FNDC1: variants seen among roughly 807,000 people sequenced by gnomAD.
The protein encoded by FNDC1 is fibronectin type III domain containing 1.
A neutral mutation model predicts 168.0 loss-of-function variants in FNDC1; 96 were observed. That is an observed-to-expected ratio of 0.57 (90% CI 0.48 to 0.68). FNDC1 has a LOEUF of 0.68. Among genes scored for constraint, FNDC1 ranks in the 30% least tolerant of loss-of-function variants. The pLI, the probability that FNDC1 is intolerant of heterozygous loss-of-function variation, is 0.00. For synonymous variants in FNDC1, 1,099 were observed against 1,025.9 expected (o/e 1.07, Z -1.36); for missense variants, 2,587 against 2,482.1 (o/e 1.04, Z -0.90).
intron 1 of FNDC1, among the ~76,000 whole-genome samples, chr6:159,183,036 G>A (rs1781915780): frequency 6.6e-6 from 1 of 152,238 alleles, no homozygotes; most frequent in South Asian, 2.1e-4. Context: ...GTACCAGGTT[G>A]TGATTGGGGA....
intron 1 of FNDC1, among the ~76,000 whole-genome samples, chr6:159,196,448 A>G (rs534227331): frequency 1.3e-5 from 2 of 152,192 alleles, no homozygotes; most frequent in Non-Finnish European, 2.9e-5. Context: ...TTTTCATCCA[A>G]TATTAAAATC....
intron 4 of FNDC1, among the ~76,000 whole-genome samples, chr6:159,213,861 G>C (rs1330513969): frequency 6.6e-6 from 1 of 152,222 alleles, no homozygotes; most frequent in African/African-American, 2.4e-5. Flanking sequence ...CTTTTGGTTA[G>C]ATTCAGGACG....
At chr6:159,225,264 C>G (rs955387057) in intron 7 of FNDC1, among the ~76,000 whole-genome samples, 1 of 152,034 alleles carries the variant, frequency 6.6e-6, no homozygotes, top group Non-Finnish European at 1.5e-5. Context: ...TCTCCCTTCT[C>G]TCTCTTCCCT....
intron 12 of FNDC1, among the ~76,000 whole-genome samples, chr6:159,237,979 A>G (rs2114998734): frequency 6.6e-6 from 1 of 152,364 alleles, no homozygotes; most frequent in African/African-American, 2.4e-5. Context: ...TTCCAGCATT[A>G]GACACAATGT....
Position 159,251,315 on chromosome 6 carries a change from G to A in FNDC1, c.4848G>A (p.Thr1616=), listed in dbSNP as rs45576631. ...GTTCTTTTCCAGCTCCTTACGTGAC[G>A]TACCTAAATAAAGACCCATCAGCCC... ...GRKRFVAPYV[T]YLNKDPSAPC... The change falls in exon 17 of 23, where the codon ACG becomes ACA. Residue 1616 remains threonine, a synonymous_variant. Coordinates refer to ENST00000297267, the MANE Select transcript of FNDC1 (RefSeq NM_032532.3). 3.0e-3 allele frequency: 4,880 copies of A among 1,613,498 alleles called. 15 individuals are homozygous for A. Among genetic ancestry groups the A allele is most frequent in the Non-Finnish European group, 3.5e-3 (4,150 of 1,179,594 alleles).
chr6:159,238,538 T>A lies in FNDC1; in HGVS notation c.4069-16T>A. ...AAAATGTCCAATATATTCTTTAATCTATGTCATGGATTTAGGTTGTGGACC... is the reference window on the plus strand; with the variant it reads ...AAAATGTCCAATATATTCTTTAATCAATGTCATGGATTTAGGTTGTGGACC... On this transcript the variant is annotated splice_polypyrimidine_tract_variant and intron_variant, in intron 12 of 22. Coordinates refer to ENST00000297267, the MANE Select transcript of FNDC1 (RefSeq NM_032532.3). 6.5e-7 allele frequency: 1 copy of A among 1,545,136 alleles called. No individual in the cohort carries two copies. The highest frequency in any genetic ancestry group is 8.9e-7 in the Non-Finnish European group (1 of 1,123,748).
Position 159,200,057 on chromosome 6 carries a change from T to C in FNDC1, c.366T>C (p.Pro122=), listed in dbSNP as rs768691353. The C allele has an allele frequency of 1.9e-6, 3 of 1,602,352 alleles. No individual in the cohort carries two copies. Among genetic ancestry groups the C allele is most frequent in the South Asian group, 2.3e-5 (2 of 88,340 alleles). The change falls in exon 3 of 23, where the codon CCT becomes CCC. Residue 122 remains proline (P), a synonymous_variant. Transcript: ENST00000297267. ...TAENHSGVSR[P]VYRAESPPGG... is the part of the protein sequence containing the mutation. ...AAAACCACAGTGGAGTGAGCCGTCC[T>C]GTTTACAGAGCTGAAAGCCCACCTG...
Position 159,271,348 on chromosome 6 carries a change from A to C in FNDC1, c.5591A>C (p.Gln1864Pro), listed in dbSNP as rs769519293. 15 of 1,611,018 alleles carry C rather than the reference A, an allele frequency of 9.3e-6. No individual in the cohort carries two copies. Among genetic ancestry groups the C allele is most frequent in the Non-Finnish European group, 1.3e-5 (15 of 1,178,780 alleles). ...CCAGGCTACTATCGCCAGTATCGTC[A>C]GGAGCCTGTCAGGTTTGGGAACATC... Reference protein sequence around the residue: ...TIQGYYRQYRQEPVRFGNIGF... With the variant: ...TIQGYYRQYRPEPVRFGNIGF... The change falls in exon 23 of 23, where the codon CAG becomes CCG. Residue 1864 changes from glutamine (Q) to proline (P), a missense_variant. Physicochemically the swap from Gln to Pro is moderately conservative, Grantham distance 76. Transcript: ENST00000297267.
At chr6:159,266,758 C>T (rs951392788) in intron 21 of FNDC1, among the ~76,000 whole-genome samples, 1 of 150,698 alleles carries the variant, frequency 6.6e-6, no homozygotes, top group Admixed American at 6.6e-5. Context: ...GAAAAGTTTC[C>T]TCTCCAGCCC....
intron 4 of FNDC1, among the ~76,000 whole-genome samples, chr6:159,202,515 G>A (rs1355377583): frequency 6.6e-6 from 1 of 152,172 alleles, no homozygotes; most frequent in African/African-American, 2.4e-5. Context: ...ACATTAGCAT[G>A]GGCACCTGGT....
At chr6:159,268,615 T>G (rs2115035223) in intron 22 of FNDC1, among the ~76,000 whole-genome samples, 1 of 152,236 alleles carries the variant, frequency 6.6e-6, no homozygotes, top group Non-Finnish European at 1.5e-5. Context: ...TATCTATATC[T>G]ATCTACTCAA....
intron 8 of FNDC1, 116 bp from the exon 9 acceptor site, chr6:159,226,357 A>T (rs1297208800): frequency 1.4e-6 from 1 of 732,650 alleles, no homozygotes; most frequent in Non-Finnish European, 2.2e-6. Flanking sequence ...GTATAATAAA[A>T]ATTAACACAG....
In FNDC1 at chr6:159,232,976, C is replaced by T; in HGVS notation, c.2464C>T (p.His822Tyr). ...CTCTGGACACTTCCATTTGCTCAGA[C>T]ACAAACCCTTTGCTGCCAACGGGAG... Reference protein sequence around the residue: ...PASGHFHLLRHKPFAANGRSP... With the variant: ...PASGHFHLLRYKPFAANGRSP... Residue 822 changes from histidine (H) to tyrosine (Y), a missense_variant, in exon 11 of 23, where the codon CAC becomes TAC. Transcript: ENST00000297267. The surrounding 1 kb of genome is among the most constrained non-coding windows in gnomAD (Gnocchi z 4.9). The T allele has an allele frequency of 1.2e-6, 2 of 1,612,052 alleles. No homozygotes were observed. Among genetic ancestry groups the T allele is most frequent in the Non-Finnish European group, 1.7e-6 (2 of 1,179,648 alleles).
rs775977486 is a variant in FNDC1 at position 159,239,855 on chromosome 6, A to G, written c.4519A>G (p.Thr1507Ala). 5 of 1,546,768 alleles carry G rather than the reference A, an allele frequency of 3.2e-6. No individual in the cohort carries two copies. In the African/African-American group the frequency reaches 5.5e-5, roughly 17 times the overall value. The change falls in exon 14 of 23, where the codon ACT (threonine) becomes GCT (alanine). Residue 1507 changes from threonine to alanine, a missense_variant. Coordinates refer to ENST00000297267, the MANE Select transcript of FNDC1 (RefSeq NM_032532.3). ...TTTTTTPTPT[T>A]PIPTCPPGTL... is the part of the protein sequence containing the mutation. ...CACCACCACCACCCCCACACCCACC[A>G]CTCCCATCCCCACCTGTCCCCCTGG...
intron 14 of FNDC1, among the ~76,000 whole-genome samples, chr6:159,244,801 T>C (rs73799725): frequency 3.2e-4 from 49 of 152,362 alleles, no homozygotes; most frequent in African/African-American, 1.1e-3. Flanking sequence ...CTCTTTTTGC[T>C]GTCTTTTACC....
intron 16 of FNDC1, among the ~76,000 whole-genome samples, chr6:159,250,063 C>A (rs529981988): frequency 1.2e-4 from 19 of 152,330 alleles, no homozygotes; most frequent in African/African-American, 4.3e-4. Context: ...TCTCTCCCGG[C>A]AGTTCCATGA....
chr6:159,206,878 G>A (rs1476640163), intron 4 of FNDC1, among the ~76,000 whole-genome samples: 1 of 152,204 alleles, frequency 6.6e-6, no homozygotes, highest in Non-Finnish European at 1.5e-5. Flanking sequence ...AGGAAGTACT[G>A]CCCCAGAACG....
intron 1 of FNDC1, among the ~76,000 whole-genome samples, chr6:159,184,065 T>C (rs1337088103): frequency 1.3e-5 from 2 of 152,268 alleles, no homozygotes; most frequent in East Asian, 1.9e-4. Flanking sequence ...TTACTAGATG[T>C]GTGCCCTTGG....
In FNDC1 at chr6:159,197,612, T is replaced by C; in HGVS notation, c.291T>C (p.Leu97=). The C allele has an allele frequency of 6.2e-7, 1 of 1,611,850 alleles. No homozygotes were observed. Among genetic ancestry groups the C allele is most frequent in the South Asian group, 1.1e-5 (1 of 90,526 alleles). ...IKVNAETYSF[L]IEDVEPGVVY... ...TGAATGCGGAGACATACTCCTTCCT[T>C]ATTGAGGATGTGGGTAAGTGACACT... The change falls in exon 2 of 23, where the codon CTT becomes CTC. Residue 97 remains leucine, a synonymous_variant. Coordinates refer to ENST00000297267, the MANE Select transcript of FNDC1 (RefSeq NM_032532.3).
Sources: allele counts gnomAD v4.1 joint callset (sites outside exome capture counted in the v4.1 genomes callset), GRCh38; gene constraint gnomAD v4.1.1; non-coding constraint Gnocchi (gnomAD v3.1); transcripts MANE v1.5; gene names NCBI Gene and HGNC (gene_info 2026-07-23, HGNC 2026-07-21).